Variants in SLC27A1 observed in about 807,000 individuals in gnomAD.
The protein encoded by SLC27A1 is solute carrier family 27 member 1.
Under a neutral mutation model 62.2 loss-of-function variants are expected in SLC27A1, and 61 were observed. The ratio of observed to expected loss-of-function variants is 0.98; its 90% CI spans 0.80 to 1.21. The LOEUF is 1.21. SLC27A1 is among the 50% of genes most tolerant of loss of function. The pLI, the probability that SLC27A1 is intolerant of heterozygous loss-of-function variation, is 0.00. For missense variants in SLC27A1, 903 were observed against 932.1 expected (o/e 0.97, Z 0.41); for synonymous variants, 435 against 408.6 (o/e 1.06, Z -0.78).
rs560594335 is a variant in SLC27A1 at position 17,500,369 on chromosome 19, G to A, written c.1298G>A (p.Arg433Gln). The A allele has an allele frequency of 3.7e-6, 6 of 1,614,140 alleles. No homozygotes were observed. The highest frequency in any genetic ancestry group is 2.7e-5 in the African/African-American group (2 of 75,058). The change falls in exon 8 of 12, where the codon CGG (arginine) becomes CAG (glutamine). Residue 433 changes from arginine to glutamine, a missense_variant. Transcript: ENST00000252595. Reference sequence around the variant, plus strand: ...AATGAGGACACAATGGAGCTGCTGCGGGATGCCCAGGGCCTCTGCATCCCC... The same window carrying A: ...AATGAGGACACAATGGAGCTGCTGCAGGATGCCCAGGGCCTCTGCATCCCC... ...KVNEDTMELL[R>Q]DAQGLCIPCQ...
intron 1 of SLC27A1, among the ~76,000 whole-genome samples, chr19:17,477,357 T>G (rs2144550877): frequency 6.9e-6 from 1 of 145,350 alleles, no homozygotes; most frequent in South Asian, 2.3e-4. Flanking sequence ...TTCTCCTGCC[T>G]CAGCCTTCTG....
intron 11 of SLC27A1, among the ~76,000 whole-genome samples, chr19:17,504,235 C>A (rs1430439420): frequency 1.3e-5 from 2 of 152,136 alleles, no homozygotes; most frequent in African/African-American, 4.8e-5. Flanking sequence ...TGTACATTTT[C>A]TTGCCCTGGT....
At chr19:17,501,796 C>G (rs1199507818) in intron 11 of SLC27A1, among the ~76,000 whole-genome samples, 1 of 65,484 alleles carries the variant, frequency 1.5e-5, no homozygotes, top group East Asian at 3.5e-4. Flanking sequence ...GAGTGATACT[C>G]TGTCTCAAAA....
At chr19:17,484,389 G>A (rs1446484942) in intron 1 of SLC27A1, among the ~76,000 whole-genome samples, 2 of 152,148 alleles carry the variant, frequency 1.3e-5, no homozygotes, top group African/African-American at 4.8e-5. Flanking sequence ...CCAGTAGTTC[G>A]AGACCAGCCT....
chr19:17,478,184 C>T (rs2075142845), intron 1 of SLC27A1, among the ~76,000 whole-genome samples: 1 of 152,058 alleles, frequency 6.6e-6, no homozygotes, highest in Non-Finnish European at 1.5e-5. Context: ...CACAAAAATG[C>T]AGCTGGGCGC....
intron 7 of SLC27A1, chr19:17,497,676 C>A (rs1198748135): frequency 1.6e-6 from 1 of 615,670 alleles, no homozygotes; most frequent in Non-Finnish European, 2.9e-6. Context: ...AGTCATGTGA[C>A]TGTGGTCCTT....
chr19:17,487,580 T>A (rs2075250157), intron 4 of SLC27A1, 51 bp downstream of exon 4: 1 of 1,574,208 alleles, frequency 6.4e-7, no homozygotes, highest in Non-Finnish European at 8.7e-7. Flanking sequence ...TGACCCAGGC[T>A]ATCTTGCCAG....
At chr19:17,487,377 T>C (rs767905199) in intron 3 of SLC27A1, 42 bp downstream of exon 3, 6 of 1,560,886 alleles carry the variant, frequency 3.8e-6, no homozygotes, top group East Asian at 2.4e-5. Flanking sequence ...ACTGGTTTCC[T>C]ACCCGCCCAG....
At position 17,486,710 on chromosome 19, in the gene SLC27A1, C is replaced by G. The variant is rs2075234387; in HGVS notation, c.315C>G (p.Thr105=). ...ATGCCGGGACCGGCGAGTGCTGGAC[C>G]TTTGCGCAGCTGGACGCCTACTCCA... The part of the protein sequence containing the change: ...LVDAGTGECW[T]FAQLDAYSNA... Residue 105 remains threonine (T), a synonymous_variant, in exon 2 of 12, where the codon ACC becomes ACG. Transcript: ENST00000252595. This position sits in a 1 kb window ranked among gnomAD's most constrained non-coding sequence, Gnocchi z 6.6. 6.2e-7 allele frequency: 1 copy of G among 1,612,236 alleles called. No homozygotes were observed. Among genetic ancestry groups the G allele is most frequent in the African/African-American group, 1.3e-5 (1 of 75,052 alleles).
Position 17,488,835 on chromosome 19 carries a change from C to T in SLC27A1, c.795-13C>T. The stretch of plus-strand genomic sequence containing the variant: ...CCCAGCCTCTGCCCTCCCGGCTCCC[C>T]CTCCCCCTGCAGGTACTACCGCATG... On this transcript the variant is annotated splice_polypyrimidine_tract_variant and intron_variant, in intron 4 of 11. Coordinates refer to ENST00000252595, the MANE Select transcript of SLC27A1 (RefSeq NM_198580.3). The T allele has an allele frequency of 6.2e-7, 1 of 1,612,072 alleles. No individual in the cohort carries two copies. The highest frequency in any genetic ancestry group is 8.5e-7 in the Non-Finnish European group (1 of 1,179,250).
At chr19:17,502,344 GTTTTTTTTTTT>G (rs1231886797) in intron 11 of SLC27A1, among the ~76,000 whole-genome samples, 1 of 15,698 alleles carries the variant, frequency 6.4e-5, no homozygotes, top group African/African-American at 2.3e-4. Context: ...TGTTTTTTTT[GTTTTTTTTTTT>G]TTTTTTTTTT....
intron 1 of SLC27A1, among the ~76,000 whole-genome samples, chr19:17,485,766 G>A (rs1221260020): frequency 6.6e-6 from 1 of 151,772 alleles, no homozygotes. Flanking sequence ...GGAGGCGGAG[G>A]GTGAGCCGAG....
chr19:17,470,788 G>A (rs2075068460), intron 1 of SLC27A1, 81 bp downstream of exon 1: 2 of 1,353,148 alleles, frequency 1.5e-6, no homozygotes, highest in African/African-American at 1.5e-5. Context: ...TGGGTTGCGG[G>A]GACGGCTTGG....
chr19:17,487,603 C>T (rs1179461506), intron 4 of SLC27A1, 74 bp downstream of exon 4: 8 of 1,423,988 alleles, frequency 5.6e-6, no homozygotes, highest in Admixed American at 1.9e-5. Context: ...TGACCTGCCC[C>T]TCAGCTCCTG....
At position 17,486,629 on chromosome 19, in the gene SLC27A1, C is replaced by T. The variant is rs1489583595; in HGVS notation, c.234C>T (p.Ile78=). 3 of 1,601,006 alleles carry T rather than the reference C, an allele frequency of 1.9e-6. No individual in the cohort carries two copies. In the East Asian group the frequency reaches 6.7e-5, roughly 36 times the overall value. ...LRRHQRAGHT[I]PRIFQAVVQR... ...GGCACCAGCGTGCCGGCCACACCAT[C>T]CCGCGCATCTTTCAGGCGGTAGTGC... Residue 78 remains isoleucine, a synonymous_variant, in exon 2 of 12, where the codon ATC becomes ATT. Transcript: ENST00000252595. This position sits in a 1 kb window ranked among gnomAD's most constrained non-coding sequence, Gnocchi z 6.6.
At chr19:17,488,091 G>A (rs1486840513) in intron 4 of SLC27A1, among the ~76,000 whole-genome samples, 1 of 152,174 alleles carries the variant, frequency 6.6e-6, no homozygotes, top group Non-Finnish European at 1.5e-5. Flanking sequence ...AGGCGTGGTG[G>A]CTTACGCCTG....
chr19:17,493,272 A>T (rs2075313596), intron 6 of SLC27A1, among the ~76,000 whole-genome samples: 2 of 147,604 alleles, frequency 1.4e-5, no homozygotes, highest in African/African-American at 2.5e-5. Context: ...CATCTCTACA[A>T]AAACAATTAG....
At chr19:17,489,249 C>T in intron 6 of SLC27A1, 132 bp downstream of exon 6, 1 of 687,836 alleles carries the variant, frequency 1.5e-6, no homozygotes, top group Non-Finnish European at 2.5e-6. Context: ...CTGGTCAGGT[C>T]CCGTCCTCTC....
Position 17,505,100 on chromosome 19 carries a change from G to C in SLC27A1, c.*488G>C. The C allele has an allele frequency of 2.8e-6, 1 of 355,388 alleles. No homozygotes were observed. The highest frequency in any genetic ancestry group is 2.2e-5 in the South Asian group (1 of 46,180). The allele number at this position is 355,388 out of a possible 1,614,324, so 22.0% of individuals were successfully genotyped here. On this transcript the variant is annotated 3_prime_UTR_variant, in exon 12 of 12. Transcript: ENST00000252595. ...GTAGAGACGGGGTTTCACCATGTTG[G>C]TCAGGTTGGTCTTGAACTCCTGACC...
Sources: allele counts gnomAD v4.1 joint callset (sites outside exome capture counted in the v4.1 genomes callset), GRCh38; gene constraint gnomAD v4.1.1; non-coding constraint Gnocchi (gnomAD v3.1); transcripts MANE v1.5; gene names NCBI Gene and HGNC (gene_info 2026-07-23, HGNC 2026-07-21).